GRIK1: variants seen among roughly 807,000 people sequenced by gnomAD.
GRIK1 encodes glutamate receptor ionotropic, kainate 1.
Under a neutral mutation model 105.7 loss-of-function variants are expected in GRIK1, and 69 were observed. The observed-to-expected ratio is 0.65, with a 90% CI of 0.54 to 0.80. The LOEUF is 0.80. Ranked by LOEUF, GRIK1 falls within the 30% of genes least tolerant of loss-of-function variation. GRIK1 has a pLI of 0.00. For synonymous variants in GRIK1, 438 were observed against 431.3 expected (o/e 1.02, Z -0.19); for missense variants, 1,109 against 1,167.3 (o/e 0.95, Z 0.73).
In GRIK1 at chr21:29,695,500, A is replaced by C. The variant is rs140000945; in HGVS notation, c.119-1437T>G. Reference sequence around the variant, plus strand: ...TCTATATATATATATTTTGAGATGGAGTCTTGCTCTGTTGCCCAGGCTGGA... The same window carrying C: ...TCTATATATATATATTTTGAGATGGCGTCTTGCTCTGTTGCCCAGGCTGGA... On this transcript the variant is annotated intron_variant, in intron 1 of 17. Coordinates refer to ENST00000327783, the MANE Select transcript of GRIK1 (RefSeq NM_001330994.2). Among the ~76,000 whole-genome samples the C allele has an allele frequency of 8.7e-3, 1,312 of 150,618 alleles. 19 individuals carry two copies. Among genetic ancestry groups the C allele is most frequent in the African/African-American group, 0.031 (1,255 of 41,128 alleles).
intron 1 of GRIK1, among the ~76,000 whole-genome samples, chr21:29,739,668 A>C (rs1668989678): frequency 6.6e-6 from 1 of 152,228 alleles, no homozygotes; most frequent in Non-Finnish European, 1.5e-5. Flanking sequence ...ATTTTGAACA[A>C]TATGTAAACA....
intron 1 of GRIK1, among the ~76,000 whole-genome samples, chr21:29,843,145 T>G (rs1161971675): frequency 6.6e-6 from 1 of 152,176 alleles, no homozygotes; most frequent in Non-Finnish European, 1.5e-5. Flanking sequence ...GTCAGTAGGC[T>G]CACGTTGTCA....
chr21:29,691,149 A>C (rs951950700), intron 2 of GRIK1, among the ~76,000 whole-genome samples: 1 of 151,042 alleles, frequency 6.6e-6, no homozygotes, highest in African/African-American at 2.5e-5. Flanking sequence ...CATCTCTAAT[A>C]AAAATACAAA....
At chr21:29,900,970 C>G (rs2070384809) in intron 1 of GRIK1, among the ~76,000 whole-genome samples, 1 of 152,172 alleles carries the variant, frequency 6.6e-6, no homozygotes, top group East Asian at 1.9e-4. Flanking sequence ...AATTAGAACT[C>G]AGGATTAAGA....
intron 16 of GRIK1, among the ~76,000 whole-genome samples, chr21:29,546,669 C>A (rs1484967122): frequency 6.6e-6 from 1 of 152,210 alleles, no homozygotes; most frequent in Non-Finnish European, 1.5e-5. Flanking sequence ...TTTCTCCAAC[C>A]TTAGCCTTTT....
rs146591187 is a variant in GRIK1, at chr21:29,651,205, G to C, written c.867C>G (p.His289Gln). ...GFRLLNIDNP[H>Q]VSSIIEKWSM... Reference sequence around the variant, plus strand: ...ACCACTTCTCAATGATGGATGACACGTGAGGGTTGTCAATGTTAAGCAGCC... The same window carrying C: ...ACCACTTCTCAATGATGGATGACACCTGAGGGTTGTCAATGTTAAGCAGCC... Residue 289 changes from histidine (H) to glutamine (Q), a missense_variant, in exon 6 of 18, where the codon CAC becomes CAG. By Grantham distance (24) the His-to-Gln change is conservative (BLOSUM62 0). Coordinates refer to ENST00000327783, the MANE Select transcript of GRIK1 (RefSeq NM_001330994.2). 1 of 1,613,040 alleles carries C rather than the reference G, an allele frequency of 6.2e-7. No individual in the cohort carries two copies. The highest frequency in any genetic ancestry group is 2.2e-5 in the East Asian group (1 of 44,876).
At chr21:29,751,140 T>C (rs1303873106) in intron 1 of GRIK1, among the ~76,000 whole-genome samples, 1 of 152,186 alleles carries the variant, frequency 6.6e-6, no homozygotes, top group Non-Finnish European at 1.5e-5. Flanking sequence ...TCACTTCTTT[T>C]GTGATTCTTC....
rs1306541165 is a variant in GRIK1 at position 29,934,367 on chromosome 21, G to A, written c.118+5016C>T. On this transcript the variant is annotated intron_variant, in intron 1 of 17. Transcript: ENST00000327783. Reference sequence around the variant, plus strand: ...CCACTTAGTACACACAGTGAAAGGGGAAAGATCTGCTCATTTGCAGAAACA... The same window carrying A: ...CCACTTAGTACACACAGTGAAAGGGAAAAGATCTGCTCATTTGCAGAAACA... 2.6e-5 allele frequency among the ~76,000 whole-genome samples: 4 copies of A among 152,122 alleles called. No individual in the cohort carries two copies. The East Asian group carries it at 7.7e-4, about 29-fold the overall frequency.
At chr21:29,904,222 G>A (rs2070520812) in intron 1 of GRIK1, among the ~76,000 whole-genome samples, 1 of 151,816 alleles carries the variant, frequency 6.6e-6, no homozygotes, top group East Asian at 1.9e-4. Context: ...GTATACCTAT[G>A]TAACAAAACT....
intron 3 of GRIK1, among the ~76,000 whole-genome samples, chr21:29,684,506 G>A (rs1233947226): frequency 6.6e-6 from 1 of 151,766 alleles, no homozygotes; most frequent in African/African-American, 2.4e-5. Flanking sequence ...TAGCAAAAAC[G>A]CAATTACTTT....
chr21:29,620,536 C>A (rs16984530), intron 7 of GRIK1, among the ~76,000 whole-genome samples: 6 of 152,006 alleles, frequency 3.9e-5, no homozygotes, highest in Admixed American at 6.6e-5. Context: ...GTTAGACTTG[C>A]TTCCAGAGAG....
At chr21:29,806,754 A>T (rs916581938) in intron 1 of GRIK1, among the ~76,000 whole-genome samples, 1 of 152,128 alleles carries the variant, frequency 6.6e-6, no homozygotes, top group African/African-American at 2.4e-5. Flanking sequence ...ACCACACAGG[A>T]TCTTTGTTTA....
chr21:29,633,542 T>C (rs2062331971), intron 7 of GRIK1, among the ~76,000 whole-genome samples: 1 of 151,978 alleles, frequency 6.6e-6, no homozygotes, highest in Non-Finnish European at 1.5e-5. Flanking sequence ...AATAAATTTC[T>C]GTTCTTTATA....
Position 29,561,753 on chromosome 21 carries a change from C to T in GRIK1, c.2227G>A (p.Val743Met). The T allele has an allele frequency of 6.2e-7, 1 of 1,613,618 alleles. No individual in the cohort carries two copies. The highest frequency in any genetic ancestry group is 8.5e-7 in the Non-Finnish European group (1 of 1,179,506). Residue 743 changes from valine to methionine, a missense_variant, in exon 15 of 18, where the codon GTG (valine) becomes ATG (methionine). Around this residue, in one of 5 missense-constraint regions of GRIK1, gnomAD observed 264 missense variants for 306.9 expected, o/e 0.86. Transcript: ENST00000327783. The stretch of plus-strand genomic sequence containing the variant: ...AGCAGCGCGTAGTCTGTGGTGAGCA[C>T]TCTCTGGATCCCCTCATCACTGTTT... ...VRNSDEGIQRVLTTDYALLME... is the reference protein window; with the variant it reads ...VRNSDEGIQRMLTTDYALLME...
chr21:29,898,148 TC>T (rs2070243036), intron 1 of GRIK1, among the ~76,000 whole-genome samples: 1 of 152,220 alleles, frequency 6.6e-6, no homozygotes, highest in Admixed American at 6.5e-5. Flanking sequence ...AATAGAATTT[TC>T]CCCTTTTCTT....
intron 1 of GRIK1, among the ~76,000 whole-genome samples, chr21:29,903,524 T>G (rs1430167308): frequency 6.6e-6 from 1 of 151,952 alleles, no homozygotes; most frequent in Non-Finnish European, 1.5e-5. Context: ...CCAACAGACA[T>G]GAAAAAATGC....
intron 16 of GRIK1, among the ~76,000 whole-genome samples, chr21:29,543,719 C>T (rs939536179): frequency 3.9e-5 from 6 of 152,158 alleles, no homozygotes; most frequent in African/African-American, 4.8e-5. Flanking sequence ...CTCCTGGGTC[C>T]GTGTAAAGAA....
At chr21:29,620,812 T>TATATATATAGATAGATAGATAG (rs2061980007) in intron 7 of GRIK1, among the ~76,000 whole-genome samples, 1 of 117,500 alleles carries the variant, frequency 8.5e-6, no homozygotes, top group African/African-American at 4.1e-5. Flanking sequence ...TATAGATATA[T>TATATATATAGATAGATAGATAG]ATATATAGTA....
chr21:29,900,614 A>T (rs2070363986), intron 1 of GRIK1, among the ~76,000 whole-genome samples: 2 of 152,196 alleles, frequency 1.3e-5, no homozygotes, highest in Non-Finnish European at 1.5e-5. Flanking sequence ...TGCACCCAAT[A>T]CAGGAGCACC....
Sources: allele counts gnomAD v4.1 joint callset (sites outside exome capture counted in the v4.1 genomes callset), GRCh38; gene constraint gnomAD v4.1.1; regional missense constraint gnomAD v4.1.1; transcripts MANE v1.5; gene names NCBI Gene and HGNC (gene_info 2026-07-23, HGNC 2026-07-21).